Variants in RPN2 observed in about 807,000 individuals in gnomAD.
RPN2 encodes dolichyl-diphosphooligosaccharide--protein glycosyltransferase subunit 2.
Under a neutral mutation model 71.4 loss-of-function variants are expected in RPN2, and 29 were observed. The observed-to-expected ratio is 0.41, with a 90% CI of 0.30 to 0.55. RPN2 has a LOEUF of 0.55. Among genes scored for constraint, RPN2 ranks in the 20% least tolerant of loss-of-function variants. The pLI is 0.35. For missense variants in RPN2, 726 were observed against 774.1 expected (o/e 0.94, Z 0.74); for synonymous variants, 308 against 305.0 (o/e 1.01, Z -0.10).
chr20:37,192,798 C>T (rs1045893094), intron 2 of RPN2, among the ~76,000 whole-genome samples: 1 of 152,062 alleles, frequency 6.6e-6, no homozygotes, highest in Non-Finnish European at 1.5e-5. Context: ...TTTGATTTGC[C>T]AGGAAAGGCT....
intron 16 of RPN2, among the ~76,000 whole-genome samples, chr20:37,237,822 G>A (rs1422227409): frequency 6.6e-6 from 1 of 152,162 alleles, no homozygotes; most frequent in South Asian, 2.1e-4. Context: ...TTCCCTTGCA[G>A]CACCTGCCTG....
In RPN2 at chr20:37,210,812, A is replaced by AC. The variant is rs2067643994; in HGVS notation, c.986+647_986+648insC. On this transcript the variant is annotated intron_variant, in intron 8 of 16. Transcript: ENST00000237530. ...CTCCCTAAGTGCTGAGGTTACAGGC[A>AC]TGAGCCACTGTGCCTGGCCTTGCTA... Among the ~76,000 whole-genome samples the AC allele has an allele frequency of 2.0e-5, 3 of 151,900 alleles. No homozygotes were observed. In the South Asian group the frequency reaches 6.2e-4, roughly 32 times the overall value.
intron 9 of RPN2, among the ~76,000 whole-genome samples, chr20:37,215,561 T>G (rs1324160602): frequency 6.6e-6 from 1 of 152,184 alleles, no homozygotes; most frequent in Non-Finnish European, 1.5e-5. Context: ...AACCTCTTCT[T>G]CCCTGTACTT....
chr20:37,188,555 G>C (rs978384822), intron 2 of RPN2, among the ~76,000 whole-genome samples: 1 of 151,490 alleles, frequency 6.6e-6, no homozygotes, highest in African/African-American at 2.4e-5. Flanking sequence ...AGTTATTTTT[G>C]GTAGGAAGGG....
At chr20:37,200,315 T>C (rs1466480842) in intron 4 of RPN2, 1 of 321,518 alleles carries the variant, frequency 3.1e-6, no homozygotes, top group East Asian at 9.7e-5. Context: ...TAGTTTTTAG[T>C]GGAGATGGGG....
intron 9 of RPN2, among the ~76,000 whole-genome samples, chr20:37,215,270 C>T (rs1479121857): frequency 1.3e-5 from 2 of 152,284 alleles, no homozygotes; most frequent in Admixed American, 6.5e-5. Context: ...TTCAAAAATG[C>T]GGCATTACTT....
rs1335176578 is a variant in RPN2, at chr20:37,187,327, A to C, written c.207+2954A>C. The stretch of plus-strand genomic sequence containing the variant: ...ACCATCCCGGCTAAAACGGTGAAAC[A>C]CCGTCTCTACTAAAAATACAAAAAA... On this transcript the variant is annotated intron_variant, in intron 2 of 16. Transcript: ENST00000237530. Among the ~76,000 whole-genome samples, 15 of 16,926 alleles carry C rather than the reference A, an allele frequency of 8.9e-4. 5 individuals are homozygous for C. The highest frequency in any genetic ancestry group is 8.1e-3 in the Admixed American group (14 of 1,722). 11.1% of individuals were successfully genotyped at this position (16,926 alleles called of 152,430 possible).
intron 2 of RPN2, among the ~76,000 whole-genome samples, chr20:37,192,255 A>G (rs1279467384): frequency 6.6e-6 from 1 of 152,242 alleles, no homozygotes; most frequent in African/African-American, 2.4e-5. Context: ...GCACTAGTTC[A>G]TTCCTGGGGA....
At position 37,198,433 on chromosome 20, in the gene RPN2, A is replaced by G. The variant is rs745748573; in HGVS notation, c.244A>G (p.Ser82Gly). 6.2e-6 allele frequency: 10 copies of G among 1,614,238 alleles called. No individual in the cohort carries two copies. The East Asian group carries it at 1.8e-4, about 29-fold the overall frequency. ...CTYIRSNLDP[S>G]NVDSLFYAAQ... is the part of the protein sequence containing the mutation. ...CTACATCAGATCTAACCTTGATCCC[A>G]GCAATGTGGATTCCCTCTTCTACGC... Residue 82 changes from serine (S) to glycine (G), a missense_variant, in exon 3 of 17, where the codon AGC (serine) becomes GGC (glycine). Transcript: ENST00000237530.
At chr20:37,219,226 A>G (rs184731563) in intron 9 of RPN2, among the ~76,000 whole-genome samples, 3 of 152,298 alleles carry the variant, frequency 2.0e-5, no homozygotes, top group Admixed American at 6.5e-5. Context: ...GTGGGTATAA[A>G]GTGGTGTCTC....
In RPN2 at chr20:37,199,221, C is replaced by A; in HGVS notation, c.475C>A (p.Leu159Met). The A allele has an allele frequency of 6.2e-7, 1 of 1,613,658 alleles. No individual in the cohort carries two copies. Among genetic ancestry groups the A allele is most frequent in the Non-Finnish European group, 8.5e-7 (1 of 1,180,014 alleles). ...TCGTCTCAGCAAGGAGGAGACTGTG[C>A]TGGCGTGAGTTGTCATCTCGAGCAT... ...TARLSKEETV[L>M]ATVQALQTAS... Residue 159 changes from leucine to methionine, a missense_variant, in exon 4 of 17, where the codon CTG becomes ATG. By Grantham distance (15) the Leu-to-Met change is conservative. Coordinates refer to ENST00000237530, the MANE Select transcript of RPN2 (RefSeq NM_002951.5).
At chr20:37,196,455 G>A (rs1214506744) in intron 2 of RPN2, among the ~76,000 whole-genome samples, 2 of 152,020 alleles carry the variant, frequency 1.3e-5, no homozygotes, top group African/African-American at 2.4e-5. Flanking sequence ...GGATGGTCTC[G>A]ATCTCCTGAC....
chr20:37,182,092 T>G (rs2066897268), intron 1 of RPN2, among the ~76,000 whole-genome samples: 1 of 151,804 alleles, frequency 6.6e-6, no homozygotes, highest in Non-Finnish European at 1.5e-5. Context: ...TTAATTTTAT[T>G]TATTTATTTT....
intron 4 of RPN2, among the ~76,000 whole-genome samples, chr20:37,200,785 C>A (rs932047570): frequency 2.6e-5 from 4 of 152,088 alleles, no homozygotes; most frequent in African/African-American, 9.7e-5. Context: ...TGCTTTTAAT[C>A]CCTCATGGGG....
intron 7 of RPN2, among the ~76,000 whole-genome samples, chr20:37,209,766 A>AG: frequency 1.3e-5 from 2 of 152,214 alleles, no homozygotes; most frequent in South Asian, 4.1e-4. Context: ...TATAGGCATG[A>AG]GCCATCATGC....
intron 5 of RPN2, 122 bp from the exon 6 acceptor site, chr20:37,204,645 A>T: frequency 9.5e-7 from 1 of 1,054,280 alleles, no homozygotes; most frequent in Non-Finnish European, 1.5e-6. Flanking sequence ...AGTGACTGAG[A>T]TGGTCTTCAG....
At chr20:37,229,280 C>T (rs1033305020) in intron 12 of RPN2, among the ~76,000 whole-genome samples, 7 of 152,184 alleles carry the variant, frequency 4.6e-5, no homozygotes, top group Non-Finnish European at 8.8e-5. Context: ...TGAGAGTAAA[C>T]GTCTTGCAAG....
rs1354979731 is a variant in RPN2 at position 37,236,793 on chromosome 20, C to T, written c.1883+84C>T. ...GCCTAGCTCTTTGAAGGGTAGGTGG[C>T]AAAATGATTTGTGTTCTTAGGGGCA... is the stretch of plus-strand genomic sequence containing the variant. On this transcript the variant is annotated intron_variant, in intron 16 of 16. Coordinates refer to ENST00000237530, the MANE Select transcript of RPN2 (RefSeq NM_002951.5). The T allele has an allele frequency of 2.1e-6, 3 of 1,419,808 alleles. No homozygotes were observed. The African/African-American group carries it at 4.2e-5, about 20-fold the overall frequency. The allele number at this position is 1,419,808 out of a possible 1,614,324, so 88.0% of individuals were successfully genotyped here. A position where few individuals can be genotyped will look rare whatever the true frequency, so the allele number is the denominator to read the frequency against.
At chr20:37,223,617 C>T (rs2068009395) in intron 9 of RPN2, among the ~76,000 whole-genome samples, 1 of 146,656 alleles carries the variant, frequency 6.8e-6, no homozygotes, top group Non-Finnish European at 1.5e-5. Context: ...TACTTTTTTT[C>T]TTTTCCTTTT....
Sources: allele counts gnomAD v4.1 joint callset (sites outside exome capture counted in the v4.1 genomes callset), GRCh38; gene constraint gnomAD v4.1.1; transcripts MANE v1.5; gene names NCBI Gene and HGNC (gene_info 2026-07-23, HGNC 2026-07-21).